Variants in EXOC2 observed in about 807,000 individuals in gnomAD.
The protein encoded by EXOC2 is SEC5-like 1.
Under a neutral mutation model 131.8 loss-of-function variants are expected in EXOC2, and 70 were observed. The ratio of observed to expected loss-of-function variants is 0.53; its 90% CI spans 0.44 to 0.65. The LOEUF is 0.65. Ranked by LOEUF, EXOC2 falls within the 30% of genes least tolerant of loss-of-function variation. The pLI, the probability that EXOC2 is intolerant of heterozygous loss-of-function variation, is 0.00. For synonymous variants in EXOC2, 411 were observed against 398.4 expected (o/e 1.03, Z -0.38); for missense variants, 923 against 1,108.6 (o/e 0.83, Z 2.38).
rs1430170082 is a variant in EXOC2, at chr6:657,105, T to C, written c.-43-19244A>G. On this transcript the variant is annotated intron_variant, in intron 1 of 27. Transcript: ENST00000230449. ...CCGGTTGCGGTTGCGGGTTCTGTTG[T>C]GGGTTCCGCAGCCCTAGGCCTGGAG... 10 of 545,834 alleles carry C rather than the reference T, an allele frequency of 1.8e-5. No homozygotes were observed. In the South Asian group the frequency reaches 2.7e-4, roughly 15 times the overall value. The allele number at this position is 545,834 out of a possible 1,614,324, so 33.8% of individuals were successfully genotyped here. A position where few individuals can be genotyped will look rare whatever the true frequency, so the allele number is the denominator to read the frequency against.
At chr6:615,581 G>A (rs73716853) in intron 6 of EXOC2, among the ~76,000 whole-genome samples, 1,848 of 152,134 alleles carry the variant, frequency 0.012, 39 homozygotes, top group African/African-American at 0.041. Flanking sequence ...TTAGCTGGGC[G>A]TGGTGGTGGG....
At chr6:490,744 C>T (rs982417982) in intron 26 of EXOC2, among the ~76,000 whole-genome samples, 2 of 152,182 alleles carry the variant, frequency 1.3e-5, no homozygotes, top group Non-Finnish European at 2.9e-5. Flanking sequence ...TTCAAAACAG[C>T]TAAAAATTAT....
chr6:619,154 G>A (rs1761158429), intron 5 of EXOC2, among the ~76,000 whole-genome samples: 1 of 152,134 alleles, frequency 6.6e-6, no homozygotes, highest in Admixed American at 6.5e-5. Flanking sequence ...CCCCAGCTAA[G>A]GCTCCATAAA....
At chr6:554,207 A>C (rs573188612) in intron 20 of EXOC2, among the ~76,000 whole-genome samples, 1 of 152,134 alleles carries the variant, frequency 6.6e-6, no homozygotes, top group South Asian at 2.1e-4. Flanking sequence ...ATGCCTGGCT[A>C]ATTTTTATAT....
intron 1 of EXOC2, among the ~76,000 whole-genome samples, chr6:641,231 T>C (rs1256181338): frequency 6.6e-6 from 1 of 151,826 alleles, no homozygotes; most frequent in Admixed American, 6.6e-5. Flanking sequence ...ATTAGAAGAA[T>C]CTGGAAATGT....
chr6:593,500 T>C (rs1316015504), intron 10 of EXOC2, among the ~76,000 whole-genome samples: 3 of 152,210 alleles, frequency 2.0e-5, no homozygotes, highest in Non-Finnish European at 4.4e-5. Flanking sequence ...ATTCTTAAAA[T>C]ATATCAAGTC....
intron 1 of EXOC2, chr6:655,967 TG>T (rs1581637856): frequency 3.2e-6 from 2 of 627,812 alleles, no homozygotes; most frequent in East Asian, 5.3e-5. Context: ...ATATAAATTT[TG>T]CAAAGGAGGA....
At chr6:507,810 C>T (rs1764647144) in intron 23 of EXOC2, among the ~76,000 whole-genome samples, 1 of 152,186 alleles carries the variant, frequency 6.6e-6, no homozygotes, top group African/African-American at 2.4e-5. Flanking sequence ...CAGGATTCTT[C>T]TTCTTCTTAA....
In EXOC2 at chr6:486,091, C is replaced by T. The variant is rs534575055; in HGVS notation, c.*580G>A. The T allele has an allele frequency of 2.0e-5, 3 of 152,186 alleles. No homozygotes were observed. The highest frequency in any genetic ancestry group is 7.2e-5 in the African/African-American group (3 of 41,422). The allele number at this position is 152,186 out of a possible 1,614,324, so 9.4% of individuals were successfully genotyped here. On this transcript the variant is annotated 3_prime_UTR_variant, in exon 28 of 28. Coordinates refer to ENST00000230449, the MANE Select transcript of EXOC2 (RefSeq NM_018303.6). Reference sequence around the variant, plus strand: ...AAAGTTAAATCACAGACACCTGGACCACAAATAATCTACCCCAGTTGTAAT... The same window carrying T: ...AAAGTTAAATCACAGACACCTGGACTACAAATAATCTACCCCAGTTGTAAT...
Position 486,639 on chromosome 6 carries a change from A to G in EXOC2, c.*32T>C. 6.3e-7 allele frequency: 1 copy of G among 1,575,790 alleles called. No individual in the cohort carries two copies. The highest frequency in any genetic ancestry group is 8.7e-7 in the Non-Finnish European group (1 of 1,145,236). The stretch of plus-strand genomic sequence containing the variant: ...AGAGTGAACAGTCTTATTACGTGTT[A>G]TTTTCCTGGACTTCTTTTATGTGGC... On this transcript the variant is annotated 3_prime_UTR_variant, in exon 28 of 28. Coordinates refer to ENST00000230449, the MANE Select transcript of EXOC2 (RefSeq NM_018303.6).
chr6:583,328 C>G (rs1257958733), intron 11 of EXOC2, among the ~76,000 whole-genome samples: 1 of 152,094 alleles, frequency 6.6e-6, no homozygotes, highest in African/African-American at 2.4e-5. Flanking sequence ...TTCCGGCTGC[C>G]AGAAGTCTTC....
Position 485,586 on chromosome 6 carries a change from C to T in EXOC2, c.*1085G>A, listed in dbSNP as rs11242914. ...GACGGTATGAGGGAGTTGGGTGGGC[C>T]GCTGACTCTGAGAGAAGTCCCGGTG... On this transcript the variant is annotated 3_prime_UTR_variant, in exon 28 of 28. Transcript: ENST00000230449. 0.56 allele frequency: 84,647 copies of T among 152,092 alleles called. 27,926 individuals carry two copies. Among genetic ancestry groups the T allele is most frequent in the Non-Finnish European group, 0.74 (50,256 of 67,996 alleles). The allele number at this position is 152,092 out of a possible 1,614,324, so 9.4% of individuals were successfully genotyped here. A position where few individuals can be genotyped will look rare whatever the true frequency, so the allele number is the denominator to read the frequency against.
intron 4 of EXOC2, among the ~76,000 whole-genome samples, chr6:621,066 T>G (rs1174013070): frequency 6.6e-6 from 1 of 152,198 alleles, no homozygotes; most frequent in East Asian, 1.9e-4. Context: ...AGACACTCCC[T>G]GCTGGAGCCC....
chr6:579,414 T>G (rs553974412), intron 11 of EXOC2, among the ~76,000 whole-genome samples: 19 of 152,322 alleles, frequency 1.2e-4, no homozygotes, highest in Non-Finnish European at 2.1e-4. Context: ...AATTTTCCAA[T>G]TGGTACCCTG....
At position 603,432 on chromosome 6, in the gene EXOC2, CTG is replaced by C. The variant is rs1288327860; in HGVS notation, c.743-4209_743-4208del. The stretch of plus-strand genomic sequence containing the variant: ...GTTTCACAGCACTATGCCTGACACT[CTG>C]TGTGGAGTAGATGGAACTGAGGAAA... On this transcript the variant is annotated intron_variant, in intron 7 of 27. Coordinates refer to ENST00000230449, the MANE Select transcript of EXOC2 (RefSeq NM_018303.6). Among the ~76,000 whole-genome samples the C allele has an allele frequency of 3.9e-5, 6 of 152,236 alleles. No individual in the cohort carries two copies. The East Asian group carries it at 1.2e-3, about 29-fold the overall frequency.
chr6:587,417 T>C (rs1395895334), intron 11 of EXOC2, among the ~76,000 whole-genome samples: 1 of 152,168 alleles, frequency 6.6e-6, no homozygotes, highest in Non-Finnish European at 1.5e-5. Context: ...GCTAATTTTT[T>C]GTATTTTTAG....
chr6:610,135 T>A lies in EXOC2; in HGVS notation c.705A>T (p.Glu235Asp), dbSNP rs1293660236. ...TCTCCAGTTTCTGCGTCATGGATCC[T>A]TCTACTTTTTCCGTTCCATCTGCTT... ...KLEADGTEKV[E>D]GSMTQKLENV... The change falls in exon 7 of 28, where the codon GAA (glutamate) becomes GAT (aspartate). Residue 235 changes from glutamate (E) to aspartate (D), a missense_variant. Glu to Asp is a conservative substitution (Grantham distance 45). Coordinates refer to ENST00000230449, the MANE Select transcript of EXOC2 (RefSeq NM_018303.6). The A allele has an allele frequency of 3.7e-6, 6 of 1,613,978 alleles. No homozygotes were observed. Among genetic ancestry groups the A allele is most frequent in the Non-Finnish European group, 5.1e-6 (6 of 1,179,998 alleles).
In EXOC2 at chr6:514,689, G is replaced by A. The variant is rs536904506; in HGVS notation, c.2381-14989C>T. Among the ~76,000 whole-genome samples the A allele has an allele frequency of 5.8e-4, 88 of 152,326 alleles. 1 individual carries two copies. The highest frequency in any genetic ancestry group is 4.1e-3 in the East Asian group (21 of 5,184). On this transcript the variant is annotated intron_variant, in intron 23 of 27. Coordinates refer to ENST00000230449, the MANE Select transcript of EXOC2 (RefSeq NM_018303.6). ...CAGGGAGGCCAAAGGGGTCGCCCCT[G>A]GGGCAGATGTCTATGGGAGAAGCCC... is the stretch of plus-strand genomic sequence containing the variant.
At chr6:608,231 ACT>A (rs1353801480) in intron 7 of EXOC2, among the ~76,000 whole-genome samples, 8 of 151,912 alleles carry the variant, frequency 5.3e-5, no homozygotes, top group African/African-American at 1.9e-4. Context: ...CCTGGGCGGG[ACT>A]CTCTCGGGGC....
Sources: allele counts gnomAD v4.1 joint callset (sites outside exome capture counted in the v4.1 genomes callset), GRCh38; gene constraint gnomAD v4.1.1; transcripts MANE v1.5; gene names NCBI Gene and HGNC (gene_info 2026-07-23, HGNC 2026-07-21).